Variants in WLS observed in about 807,000 individuals in gnomAD.
WLS encodes protein wntless homolog.
A neutral mutation model predicts 62.8 loss-of-function variants in WLS; 23 were observed. The ratio of observed to expected loss-of-function variants is 0.37; its 90% CI spans 0.26 to 0.52. The LOEUF is 0.52. WLS is among the 20% of genes least tolerant of loss of function. WLS has a pLI of 0.92. For missense variants in WLS, 615 were observed against 697.3 expected (o/e 0.88, Z 1.33); for synonymous variants, 246 against 244.1 (o/e 1.01, Z -0.07).
chr1:68,215,180 G>A (rs1217668570), intron 1 of WLS, among the ~76,000 whole-genome samples: 1 of 152,112 alleles, frequency 6.6e-6, no homozygotes, highest in Admixed American at 6.6e-5. Context: ...ACAAATAGGC[G>A]AAACACTAGG....
chr1:68,134,576 G>C lies in WLS; in HGVS notation c.1516+3204C>G, dbSNP rs866705843. ...GGCAGGACATTTCTTTATGACATGA[G>C]CCTTGTTTTGCCTATTGAACAACAT... On this transcript the variant is annotated intron_variant, in intron 11 of 11. Transcript: ENST00000262348. Among the ~76,000 whole-genome samples, 47 of 152,298 alleles carry C rather than the reference G, an allele frequency of 3.1e-4. No homozygotes were observed. In the Middle Eastern group the frequency reaches 0.014, roughly 44 times the overall value.
intron 1 of WLS, among the ~76,000 whole-genome samples, chr1:68,229,928 A>G (rs983461868): frequency 6.6e-6 from 1 of 152,252 alleles, no homozygotes; most frequent in Admixed American, 6.5e-5. Flanking sequence ...AGCTAGTTAC[A>G]GTTAGCACCT....
intron 1 of WLS, among the ~76,000 whole-genome samples, chr1:68,227,930 T>C (rs1458840242): frequency 6.6e-6 from 1 of 152,118 alleles, no homozygotes; most frequent in Non-Finnish European, 1.5e-5. Flanking sequence ...AACTTCCAAA[T>C]AAACAACAGC....
chr1:68,210,109 G>A (rs1404302554), intron 1 of WLS, among the ~76,000 whole-genome samples: 3 of 152,154 alleles, frequency 2.0e-5, no homozygotes, highest in Non-Finnish European at 1.5e-5. Flanking sequence ...TTTGTTCTAG[G>A]GACATCAACA....
In WLS at chr1:68,159,189, A is replaced by C. The variant is rs767057426; in HGVS notation, c.438T>G (p.Ala146=). 1 of 1,614,144 alleles carries C rather than the reference A, an allele frequency of 6.2e-7. No homozygotes were observed. Among genetic ancestry groups the C allele is most frequent in the Admixed American group, 1.7e-5 (1 of 60,012 alleles). ...TTTCATGGGCCATTTCAGTCCACTC[A>C]GCAAACGCGTCATCACGGTAAGCCA... ...VSLAYRDDAF[A]EWTEMAHERV... is the part of the protein sequence containing the mutation. Residue 146 remains alanine, a synonymous_variant, in exon 3 of 12, where the codon GCT becomes GCG. Coordinates refer to ENST00000262348, the MANE Select transcript of WLS (RefSeq NM_024911.7).
intron 2 of WLS, chr1:68,186,651 T>C (rs1647962006): frequency 2.2e-6 from 1 of 456,162 alleles, no homozygotes. Context: ...TGTTCATTGC[T>C]GTCAGAAAGG....
At position 68,110,111 on chromosome 1, in the gene WLS, A is replaced by T. The variant is rs1317492964; in HGVS notation, c.1511-11358T>A. The stretch of plus-strand genomic sequence containing the variant: ...ACCAAATCAAAAATTCTTTAAAAAG[A>T]CTATTAGATTAATCTTTAGTAAGAT... On this transcript the variant is annotated intron_variant, in intron 11 of 11. Coordinates refer to the WLS transcript ENST00000354777. Among the ~76,000 whole-genome samples the T allele has an allele frequency of 4.6e-5, 7 of 151,830 alleles. No individual in the cohort carries two copies. The East Asian group carries it at 1.3e-3, about 29-fold the overall frequency.
intron 1 of WLS, among the ~76,000 whole-genome samples, chr1:68,223,044 C>T (rs1040075420): frequency 1.3e-5 from 2 of 152,114 alleles, no homozygotes; most frequent in Non-Finnish European, 2.9e-5. Flanking sequence ...TTGTCTCATC[C>T]TATGTCCTCA....
chr1:68,123,226 A>G (rs1646385100), downstream of WLS, among the ~76,000 whole-genome samples: 1 of 152,156 alleles, frequency 6.6e-6, no homozygotes, highest in African/African-American at 2.4e-5. Context: ...TTGCCACTTA[A>G]GAAGGTTACA....
At position 68,125,704 on chromosome 1, in the gene WLS, CTTAAATA is replaced by C; in HGVS notation, c.*515_*521del. ...AACAGGGACACTTATCTATTGACAA[CTTAAATA>C]TTAACTCAGTGGGCTACCTGGTGAT... On this transcript the variant is annotated 3_prime_UTR_variant, in exon 12 of 12. Transcript: ENST00000262348. 4.1e-6 allele frequency: 4 copies of C among 984,540 alleles called. No homozygotes were observed. Among genetic ancestry groups the C allele is most frequent in the African/African-American group, 1.7e-5 (1 of 57,282 alleles). The allele number at this position is 984,540 out of a possible 1,614,324, so 61.0% of individuals were successfully genotyped here. A position where few individuals can be genotyped will look rare whatever the true frequency, so the allele number is the denominator to read the frequency against.
chr1:68,176,065 T>C (rs549261359), intron 2 of WLS, among the ~76,000 whole-genome samples: 2 of 152,312 alleles, frequency 1.3e-5, no homozygotes, highest in East Asian at 3.9e-4. Flanking sequence ...GAGGAGGGGA[T>C]ACAAATGAGA....
At position 68,225,637 on chromosome 1, in the gene WLS, AG is replaced by A. The variant is rs1426029515; in HGVS notation, c.106+6556del. On this transcript the variant is annotated intron_variant, in intron 1 of 11. Transcript: ENST00000262348. The stretch of plus-strand genomic sequence containing the variant: ...TGCTGTCAGGGCTGCTGTTTGTAGG[AG>A]TCTCTGGTTTAAAAGGCCCTCGTTA... Among the ~76,000 whole-genome samples the A allele has an allele frequency of 2.0e-5, 3 of 152,290 alleles. No individual in the cohort carries two copies. In the East Asian group the frequency reaches 5.8e-4, roughly 29 times the overall value.
At chr1:68,103,772 C>T (rs962300791) in intron 11 of WLS, among the ~76,000 whole-genome samples, 1 of 152,172 alleles carries the variant, frequency 6.6e-6, no homozygotes, top group Admixed American at 6.5e-5. Flanking sequence ...TTTCCTTAAT[C>T]CACAGCAGTA....
At chr1:68,131,624 G>C (rs1184764610) in intron 11 of WLS, among the ~76,000 whole-genome samples, 1 of 152,118 alleles carries the variant, frequency 6.6e-6, no homozygotes, top group African/African-American at 2.4e-5. Flanking sequence ...AGTGGGAGAA[G>C]AACACAATAG....
chr1:68,227,198 AGCCCGGCCAACCCGGTGAAACCCC>A (rs1390922053), intron 1 of WLS, among the ~76,000 whole-genome samples: 2 of 152,154 alleles, frequency 1.3e-5, no homozygotes, highest in East Asian at 3.9e-4. Context: ...GTTTGAGACC[AGCCCGGCCAACCCGGTGAAACCCC>A]GCCTGGCCAA....
intron 4 of WLS, among the ~76,000 whole-genome samples, chr1:68,154,855 C>A (rs1646874708): frequency 6.6e-6 from 1 of 152,182 alleles, no homozygotes; most frequent in South Asian, 2.1e-4. Flanking sequence ...ATTTCATGAT[C>A]TTATCATCAT....
chr1:68,098,804 A>C (rs941615602), intron 11 of WLS: 1 of 1,583,904 alleles, frequency 6.3e-7, no homozygotes, highest in Admixed American at 1.8e-5. Context: ...TTTTAAAAAA[A>C]TATGTAACAT....
At chr1:68,211,724 T>A (rs1649524277) in intron 1 of WLS, among the ~76,000 whole-genome samples, 1 of 152,216 alleles carries the variant, frequency 6.6e-6, no homozygotes, top group Admixed American at 6.5e-5. Flanking sequence ...TCACCACTCA[T>A]GAGATTTTCA....
chr1:68,128,210 G>C (rs1646464502), intron 11 of WLS, among the ~76,000 whole-genome samples: 1 of 152,204 alleles, frequency 6.6e-6, no homozygotes, highest in Non-Finnish European at 1.5e-5. Context: ...AAGTAAGGCT[G>C]GTGAGAGGCT....
Sources: allele counts gnomAD v4.1 joint callset (sites outside exome capture counted in the v4.1 genomes callset), GRCh38; gene constraint gnomAD v4.1.1; transcripts MANE v1.5; gene names NCBI Gene and HGNC (gene_info 2026-07-23, HGNC 2026-07-21).